Variants in ITGB6 observed in about 807,000 individuals in gnomAD.
ITGB6 encodes the protein integrin subunit beta 6, also known as integrin beta-6.
A neutral mutation model predicts 84.5 loss-of-function variants in ITGB6; 80 were observed. The ratio of observed to expected loss-of-function variants is 0.95; its 90% CI spans 0.79 to 1.14. The LOEUF (loss-of-function observed/expected upper bound fraction) is 1.14. Ranked by LOEUF, ITGB6 falls within the 50% of genes most tolerant of loss-of-function variation. The probability of loss-of-function intolerance (pLI) is 0.00; values close to 1 mark genes in which losing one functional copy is unlikely to be tolerated. For synonymous variants in ITGB6, 383 were observed against 354.9 expected (o/e 1.08, Z -0.89); for missense variants, 1,006 against 968.0 (o/e 1.04, Z -0.52).
chr2:160,197,677 G>C (rs1168290659), intron 2 of ITGB6, among the ~76,000 whole-genome samples: 2 of 152,194 alleles, frequency 1.3e-5, no homozygotes, highest in Non-Finnish European at 1.5e-5. Flanking sequence ...GTAGGCCTGT[G>C]CGTGTCTGAA....
rs374781324 is a variant in ITGB6 at position 160,123,739 on chromosome 2, G to A, written c.1981+52C>T. The A allele has an allele frequency of 9.8e-5, 132 of 1,351,158 alleles. 1 individual carries two copies. Among genetic ancestry groups the A allele is most frequent in the East Asian group, 3.2e-4 (14 of 43,522 alleles). 83.7% of individuals were successfully genotyped at this position (1,351,158 alleles called of 1,614,324 possible). On this transcript the variant is annotated intron_variant, in intron 12 of 14. Coordinates refer to ENST00000283249, the MANE Select transcript of ITGB6 (RefSeq NM_000888.5). Reference sequence around the variant, plus strand: ...CGATTCACAGAGGGTCAAGAACTACGCCTCTCAAGAACTACATAAGGAAAT... The same window carrying A: ...CGATTCACAGAGGGTCAAGAACTACACCTCTCAAGAACTACATAAGGAAAT...
chr2:160,117,483 C>A (rs1042856355), intron 12 of ITGB6, among the ~76,000 whole-genome samples: 3 of 152,082 alleles, frequency 2.0e-5, no homozygotes, highest in African/African-American at 7.2e-5. Context: ...AAAGAAACAA[C>A]ATACCAGAAT....
intron 4 of ITGB6, among the ~76,000 whole-genome samples, chr2:160,182,779 C>T (rs887955524): frequency 1.3e-5 from 2 of 152,206 alleles, no homozygotes; most frequent in Admixed American, 6.5e-5. Context: ...GCCCATCAGA[C>T]TAACAGCATA....
chr2:160,111,640 C>T (rs376840320), intron 13 of ITGB6, among the ~76,000 whole-genome samples: 2 of 140,712 alleles, frequency 1.4e-5, no homozygotes, highest in East Asian at 2.0e-4. Flanking sequence ...TGTGCAGTGG[C>T]GCGATCTCGG....
At chr2:160,154,919 G>T (rs1391501927) in intron 7 of ITGB6, among the ~76,000 whole-genome samples, 1 of 152,210 alleles carries the variant, frequency 6.6e-6, no homozygotes, top group Non-Finnish European at 1.5e-5. Context: ...TGTTGGAGAA[G>T]GGGCCTGGTT....
chr2:160,107,578 T>C, intron 14 of ITGB6, 101 bp downstream of exon 14: 1 of 1,057,890 alleles, frequency 9.5e-7, no homozygotes, highest in Non-Finnish European at 1.4e-6. Flanking sequence ...AGAAAAAATG[T>C]GACATTTGAA....
intron 14 of ITGB6, among the ~76,000 whole-genome samples, chr2:160,103,836 C>G (rs1209016071): frequency 6.6e-6 from 1 of 152,146 alleles, no homozygotes; most frequent in Non-Finnish European, 1.5e-5. Flanking sequence ...AAAGAGGACA[C>G]AGGCTGTGAG....
chr2:160,112,035 T>C (rs1682540961), intron 13 of ITGB6, 45 bp downstream of exon 13: 1 of 1,593,252 alleles, frequency 6.3e-7, no homozygotes, highest in Non-Finnish European at 8.5e-7. Context: ...TCTCTTCTCC[T>C]GTGTAGTATC....
intron 13 of ITGB6, among the ~76,000 whole-genome samples, chr2:160,108,778 T>A (rs1224999581): frequency 6.6e-6 from 1 of 152,252 alleles, no homozygotes; most frequent in Non-Finnish European, 1.5e-5. Context: ...GAATATTCTA[T>A]GAAATGTTAT....
At chr2:160,111,194 T>C (rs955029238) in intron 13 of ITGB6, among the ~76,000 whole-genome samples, 3 of 152,154 alleles carry the variant, frequency 2.0e-5, no homozygotes, top group Non-Finnish European at 4.4e-5. Flanking sequence ...CAGGACTTAT[T>C]CTGGAAATTC....
At chr2:160,154,358 T>A (rs1308607050) in intron 7 of ITGB6, among the ~76,000 whole-genome samples, 1 of 150,110 alleles carries the variant, frequency 6.7e-6, no homozygotes, top group Admixed American at 6.7e-5. Context: ...CTGAATGTTA[T>A]CACTCATAGG....
intron 12 of ITGB6, among the ~76,000 whole-genome samples, chr2:160,114,697 G>GC (rs1329733963): frequency 6.6e-6 from 1 of 152,204 alleles, no homozygotes; most frequent in Non-Finnish European, 1.5e-5. Flanking sequence ...CCAAAGCAGG[G>GC]CGAGGCATTG....
chr2:160,159,794 C>T (rs1372913685), intron 7 of ITGB6, among the ~76,000 whole-genome samples: 1 of 152,218 alleles, frequency 6.6e-6, no homozygotes, highest in Non-Finnish European at 1.5e-5. Context: ...GAAAGTCTCA[C>T]TTTCTCCCCC....
intron 11 of ITGB6, among the ~76,000 whole-genome samples, chr2:160,125,950 G>T (rs1180749901): frequency 6.6e-6 from 1 of 152,196 alleles, no homozygotes; most frequent in African/African-American, 2.4e-5. Flanking sequence ...AGATAGGAAT[G>T]AATCAGTAAG....
chr2:160,175,584 A>C (rs1685387000), intron 4 of ITGB6, among the ~76,000 whole-genome samples: 1 of 152,222 alleles, frequency 6.6e-6, no homozygotes, highest in Non-Finnish European at 1.5e-5. Flanking sequence ...TGTTTAAAAT[A>C]GCCCCCAGGC....
At chr2:160,109,566 G>A (rs1167099165) in intron 13 of ITGB6, among the ~76,000 whole-genome samples, 1 of 152,206 alleles carries the variant, frequency 6.6e-6, no homozygotes, top group Admixed American at 6.5e-5. Flanking sequence ...AAGTCCTCAG[G>A]AATTGTACAT....
chr2:160,145,579 G>C (rs992296185), intron 7 of ITGB6, among the ~76,000 whole-genome samples: 1 of 152,178 alleles, frequency 6.6e-6, no homozygotes, highest in African/African-American at 2.4e-5. Flanking sequence ...GTGATACAGA[G>C]GAAACACCTG....
intron 12 of ITGB6, among the ~76,000 whole-genome samples, chr2:160,120,845 G>C (rs1416482242): frequency 6.8e-6 from 1 of 148,088 alleles, no homozygotes; most frequent in Non-Finnish European, 1.5e-5. Flanking sequence ...CTCACTCATA[G>C]GTGGGAATTG....
At chr2:160,141,072 C>CTT (rs796824242) in intron 8 of ITGB6, among the ~76,000 whole-genome samples, 3 of 150,714 alleles carry the variant, frequency 2.0e-5, no homozygotes, top group African/African-American at 7.3e-5. Context: ...ACAGATGGGC[C>CTT]TTTTTTTTTG....
Sources: gnomAD v4.1 joint callset for allele counts (sites outside exome capture counted in the v4.1 genomes callset) on GRCh38, gnomAD v4.1.1 for gene constraint, MANE v1.5 for transcripts, NCBI Gene and HGNC (gene_info 2026-07-23, HGNC 2026-07-21) for gene names.